PROM1: variants seen among roughly 807,000 people sequenced by gnomAD.
PROM1 encodes the protein prominin-1.
A neutral mutation model predicts 116.9 loss-of-function variants in PROM1; 105 were observed. The ratio of observed to expected loss-of-function variants is 0.90; its 90% CI spans 0.77 to 1.06. PROM1 has a LOEUF of 1.06. PROM1 is among the 50% of genes least tolerant of loss of function. The probability of loss-of-function intolerance (pLI) is 0.00; values close to 1 mark genes in which losing one functional copy is unlikely to be tolerated. For missense variants in PROM1, 1,122 were observed against 1,045.2 expected, an observed-to-expected ratio of 1.07 and a Z score of -1.01; for synonymous variants, 393 against 387.0, an observed-to-expected ratio of 1.02 and a Z score of -0.18.
intron 13 of PROM1, among the ~76,000 whole-genome samples, chr4:16,001,102 T>C (rs1723732231): frequency 1.3e-5 from 2 of 152,130 alleles, no homozygotes; most frequent in Non-Finnish European, 2.9e-5. Context: ...TCATGGCCCA[T>C]GAGGGTGGCC....
At chr4:16,068,679 T>C (rs1171079201) in intron 2 of PROM1, among the ~76,000 whole-genome samples, 2 of 152,226 alleles carry the variant, frequency 1.3e-5, no homozygotes, top group Non-Finnish European at 2.9e-5. Context: ...ATATAGCCAA[T>C]TGAGATCTTT....
chr4:16,051,091 T>G (rs893432954), intron 2 of PROM1, among the ~76,000 whole-genome samples: 1 of 152,154 alleles, frequency 6.6e-6, no homozygotes, highest in South Asian at 2.1e-4. Flanking sequence ...CTAGAGCAGA[T>G]AATATGTGAG....
chr4:16,045,835 T>C (rs1476318622), intron 2 of PROM1, among the ~76,000 whole-genome samples: 3 of 152,130 alleles, frequency 2.0e-5, no homozygotes, highest in Non-Finnish European at 2.9e-5. Flanking sequence ...CAGTGGAGCA[T>C]TGCTCAGATG....
chr4:15,991,266 G>T lies in PROM1; in HGVS notation c.1939C>A (p.Leu647Ile), dbSNP rs1383090074. 1 of 1,605,966 alleles carries T rather than the reference G, an allele frequency of 6.2e-7. No homozygotes were observed. Among genetic ancestry groups the T allele is most frequent in the Non-Finnish European group, 8.5e-7 (1 of 1,177,258 alleles). ...TCTAGATCATATGCAAATGATAAAA[G>T]ATTCACTCCTGCGGGGGATTTACCA... The part of the protein sequence containing the change: ...QTGKSPAGVN[L>I]LSFAYDLEAK... The change falls in exon 18 of 28, where the codon CTT becomes ATT. Residue 647 changes from leucine (L) to isoleucine (I), a missense_variant. Coordinates refer to ENST00000447510, the MANE Select transcript of PROM1 (RefSeq NM_006017.3).
At position 16,075,818 on chromosome 4, in the gene PROM1, T is replaced by C. The variant is rs767532343; in HGVS notation, c.89A>G (p.Lys30Arg). ...GGQPSSTDAP[K>R]AWNYELPATN... Reference sequence around the variant, plus strand: ...TGCAGGCAATTCATAATTCCAAGCCTTAGGAGCATCTGTGGATGAAGGCTG... The same window carrying C: ...TGCAGGCAATTCATAATTCCAAGCCCTAGGAGCATCTGTGGATGAAGGCTG... Residue 30 changes from lysine to arginine, a missense_variant, in exon 2 of 28, where the codon AAG becomes AGG. By Grantham distance (26) the Lys-to-Arg change is conservative. Transcript: ENST00000447510. 5.0e-6 allele frequency: 8 copies of C among 1,613,666 alleles called. No individual in the cohort carries two copies. The Admixed American group carries it at 6.7e-5, about 13-fold the overall frequency.
chr4:15,992,426 T>C lies in PROM1; in HGVS notation c.1768-35A>G, dbSNP rs1297569009. Reference sequence around the variant, plus strand: ...AAGGAAGTTACAAATCAGTCCCTTATTCTCCAAGAATGTCACAAACCAAAT... The same window carrying C: ...AAGGAAGTTACAAATCAGTCCCTTACTCTCCAAGAATGTCACAAACCAAAT... On this transcript the variant is annotated intron_variant, in intron 16 of 27. Transcript: ENST00000447510. The C allele has an allele frequency of 3.1e-6, 5 of 1,602,560 alleles. No individual in the cohort carries two copies. In the African/African-American group the frequency reaches 4.0e-5, roughly 13 times the overall value.
intron 13 of PROM1, among the ~76,000 whole-genome samples, chr4:16,004,827 C>CTTTCTT (rs369019851): frequency 8.1e-6 from 1 of 123,722 alleles, no homozygotes; most frequent in Non-Finnish European, 1.7e-5. Flanking sequence ...TTCTTTCTTT[C>CTTTCTT]TTTTTCTTCC....
At chr4:15,971,844 G>A (rs1393884344) in intron 26 of PROM1, 1 of 152,258 alleles carries the variant, frequency 6.6e-6, no homozygotes, top group Non-Finnish European at 1.5e-5. Context: ...TCCTTCTAAA[G>A]TTTTTCACTT....
intron 8 of PROM1, among the ~76,000 whole-genome samples, chr4:16,019,201 C>G (rs2677782): frequency 0.13 from 19,866 of 152,208 alleles, 1,465 homozygotes; most frequent in African/African-American, 0.17. Flanking sequence ...AACCCTACCC[C>G]CTAGGACACA....
chr4:15,996,917 C>A (rs904155958), intron 15 of PROM1, among the ~76,000 whole-genome samples: 1 of 152,102 alleles, frequency 6.6e-6, no homozygotes, highest in Admixed American at 6.6e-5. Context: ...GAGTCACTAT[C>A]GCCCTGTTAT....
chr4:15,984,318 G>T lies in PROM1; in HGVS notation c.2318C>A (p.Thr773Asn). 2 of 1,607,616 alleles carry T rather than the reference G, an allele frequency of 1.2e-6. No homozygotes were observed. The highest frequency in any genetic ancestry group is 1.7e-6 in the Non-Finnish European group (2 of 1,176,510). Residue 773 changes from threonine (T) to asparagine (N), a missense_variant, in exon 23 of 28, where the codon ACC becomes AAC. Physicochemically the swap from Thr to Asn is moderately conservative, Grantham distance 65. Coordinates refer to ENST00000447510, the MANE Select transcript of PROM1 (RefSeq NM_006017.3). ...GACATCAACAGCAGTATCTAGAGCG[G>T]TGGCCACAGGTTTGCACGATGCCAC... is the stretch of plus-strand genomic sequence containing the variant. ...EKVASCKPVA[T>N]ALDTAVDVFL...
chr4:16,041,148 A>G (rs1303012639), intron 2 of PROM1, among the ~76,000 whole-genome samples: 4 of 152,202 alleles, frequency 2.6e-5, no homozygotes, highest in African/African-American at 9.7e-5. Context: ...TGACATTTGC[A>G]CTAGGGTGCA....
At chr4:16,035,009 C>G (rs1733645363) in intron 4 of PROM1, among the ~76,000 whole-genome samples, 1 of 152,208 alleles carries the variant, frequency 6.6e-6, no homozygotes, top group South Asian at 2.1e-4. Flanking sequence ...ACTAGTAAAT[C>G]TGGTGCATCT....
intron 4 of PROM1, among the ~76,000 whole-genome samples, chr4:16,034,163 C>A (rs1253178161): frequency 6.6e-6 from 1 of 152,106 alleles, no homozygotes. Context: ...AGGCGCTTTG[C>A]ACACTGCAAA....
At position 16,015,076 on chromosome 4, in the gene PROM1, C is replaced by T. The variant is rs189956200; in HGVS notation, c.1077+1090G>A. Among the ~76,000 whole-genome samples, 111 of 152,268 alleles carry T rather than the reference C, an allele frequency of 7.3e-4. 2 individuals are homozygous for T. Among genetic ancestry groups the T allele is most frequent in the African/African-American group, 2.6e-3 (107 of 41,570 alleles). On this transcript the variant is annotated intron_variant, in intron 10 of 27. Transcript: ENST00000447510. ...AAGGTGATATATGGACCGGGCGTGA[C>T]GGCTCATGCCTGTAATCCCAGCACT...
chr4:15,981,688 A>G (rs1417236190), intron 23 of PROM1, among the ~76,000 whole-genome samples: 3 of 152,208 alleles, frequency 2.0e-5, no homozygotes. Context: ...GAAGTTAGAA[A>G]CAATGTTCAC....
At chr4:15,973,620 G>C (rs67506035) in intron 26 of PROM1, among the ~76,000 whole-genome samples, 27,908 of 152,070 alleles carry the variant, frequency 0.18, 3,045 homozygotes, top group African/African-American at 0.3. Flanking sequence ...TCAGATTTCT[G>C]TCCTTTTCAG....
At chr4:16,040,800 T>G (rs981260635) in intron 2 of PROM1, among the ~76,000 whole-genome samples, 9 of 152,276 alleles carry the variant, frequency 5.9e-5, no homozygotes, top group Admixed American at 1.3e-4. Flanking sequence ...TGAAGGAATT[T>G]AGAGCATGCA....
At chr4:15,975,119 T>C (rs1715769997) in intron 26 of PROM1, among the ~76,000 whole-genome samples, 1 of 152,196 alleles carries the variant, frequency 6.6e-6, no homozygotes, top group African/African-American at 2.4e-5. Flanking sequence ...GTCATTATAG[T>C]GAACCACAAA....
Sources: gnomAD v4.1 joint callset for allele counts (sites outside exome capture counted in the v4.1 genomes callset) on GRCh38, gnomAD v4.1.1 for gene constraint, MANE v1.5 for transcripts, NCBI Gene and HGNC (gene_info 2026-07-23, HGNC 2026-07-21) for gene names.